Variants in SLC67A1 observed in about 807,000 individuals in gnomAD.
SLC67A1 encodes the protein solute carrier family 67 member 1.
chr11:2,900,165 C>T, the SLC67A1 span, among the ~76,000 whole-genome samples: 2 of 151,900 alleles, frequency 1.3e-5, no homozygotes, highest in Non-Finnish European at 2.9e-5. Flanking sequence ...GTCCCCAGGG[C>T]GGCCAGTGGT....
chr11:2,906,702 C>A, the SLC67A1 span, among the ~76,000 whole-genome samples: 1 of 130,444 alleles, frequency 7.7e-6, no homozygotes, highest in East Asian at 2.0e-4. Flanking sequence ...ATATCACACA[C>A]TGGGGCCTGT....
the SLC67A1 span, among the ~76,000 whole-genome samples, chr11:2,906,548 G>C: frequency 2.0e-5 from 3 of 152,180 alleles, no homozygotes. Flanking sequence ...CATAAAAAAG[G>C]ATGAGTTCAT....
chr11:2,903,370 G>A, the SLC67A1 span: 3 of 1,612,996 alleles, frequency 1.9e-6, no homozygotes, highest in African/African-American at 1.3e-5. Flanking sequence ...GGCTCCCAGG[G>A]ACCAGGGCCG....
chr11:2,909,342 T>G, the SLC67A1 span: 1 of 1,515,496 alleles, frequency 6.6e-7, no homozygotes, highest in Non-Finnish European at 8.8e-7. Flanking sequence ...GGAGCGCTCA[T>G]GCACACGCTG....
At chr11:2,903,225 C>T in the SLC67A1 span, 28 of 1,513,632 alleles carry the variant, frequency 1.8e-5, no homozygotes, top group African/African-American at 6.9e-5. Flanking sequence ...CAAGGCCAGG[C>T]GGGTGCTGCC....
the SLC67A1 span, chr11:2,903,809 C>T: frequency 5.4e-6 from 2 of 371,066 alleles, no homozygotes; most frequent in African/African-American, 4.1e-5. Context: ...CAGCCTTTGC[C>T]CTCTGGAGTC....
At chr11:2,920,510 G>A in the SLC67A1 span, 1 of 152,518 alleles carries the variant, frequency 6.6e-6, no homozygotes, top group Admixed American at 6.5e-5. Context: ...TGGCTGCAGT[G>A]GGGACCCTGC....
chr11:2,905,755 C>T, the SLC67A1 span, among the ~76,000 whole-genome samples: 2 of 152,188 alleles, frequency 1.3e-5, no homozygotes, highest in Non-Finnish European at 2.9e-5. Flanking sequence ...GAGCTCCGCC[C>T]TCAAATATGT....
chr11:2,916,760 C>A, the SLC67A1 span: 2 of 1,600,180 alleles, frequency 1.2e-6, no homozygotes, highest in East Asian at 2.2e-5. Flanking sequence ...GCCAGGTACA[C>A]CCTGCCCAGA....
At chr11:2,917,981 G>T in the SLC67A1 span, 33 of 1,609,952 alleles carry the variant, frequency 2.0e-5, no homozygotes, top group Non-Finnish European at 2.5e-5. Context: ...TGGCCTCTCC[G>T]TGCCAGGCGG....
chr11:2,907,156 GGAC>G, the SLC67A1 span, among the ~76,000 whole-genome samples: 1 of 151,838 alleles, frequency 6.6e-6, no homozygotes, highest in Non-Finnish European at 1.5e-5. This position sits in a 1 kb window ranked among gnomAD's most constrained non-coding sequence, Gnocchi z 6.7. Context: ...GGACCAAGGG[GGAC>G]AGTGGAAAGA....
At chr11:2,909,957 C>T in the SLC67A1 span, 15 of 447,080 alleles carry the variant, frequency 3.4e-5, no homozygotes, top group Non-Finnish European at 5.5e-5. Flanking sequence ...GCCAAGCTGT[C>T]CACGCACAGC....
At chr11:2,908,440 G>A in the SLC67A1 span, 2 of 738,986 alleles carry the variant, frequency 2.7e-6, no homozygotes, top group Non-Finnish European at 4.3e-6. Context: ...GACCCCCCTG[G>A]GATGACGGCA....
the SLC67A1 span, chr11:2,909,917 T>C: frequency 1.5e-5 from 8 of 526,240 alleles, no homozygotes; most frequent in Non-Finnish European, 2.0e-5. Context: ...CCAGGTGATG[T>C]CCCAGTGCTG....
At chr11:2,918,004 T>C in the SLC67A1 span, 1 of 1,613,154 alleles carries the variant, frequency 6.2e-7, no homozygotes, top group Non-Finnish European at 8.5e-7. Flanking sequence ...CCCGGGCCAG[T>C]GTGTTCGACC....
chr11:2,902,585 T>G, the SLC67A1 span: 1 of 985,254 alleles, frequency 1.0e-6, no homozygotes, highest in African/African-American at 1.7e-5. Context: ...GTTCGGTACC[T>G]CGGGGCTCAG....
the SLC67A1 span, among the ~76,000 whole-genome samples, chr11:2,911,493 C>T: frequency 6.6e-6 from 1 of 152,010 alleles, no homozygotes; most frequent in Non-Finnish European, 1.5e-5. Flanking sequence ...CCAGGGTGGC[C>T]AGGGTGAGGA....
the SLC67A1 span, among the ~76,000 whole-genome samples, chr11:2,917,251 G>A: frequency 6.6e-6 from 1 of 152,350 alleles, no homozygotes; most frequent in South Asian, 2.1e-4. Context: ...CCTGCTGAAC[G>A]CAGCCCCTTT....
At chr11:2,919,219 G>C in the SLC67A1 span, 1 of 930,788 alleles carries the variant, frequency 1.1e-6, no homozygotes, top group East Asian at 2.4e-5. Context: ...CAGACACCCT[G>C]ATTGGCCAGG....
Sources: allele counts gnomAD v4.1 joint callset (sites outside exome capture counted in the v4.1 genomes callset), GRCh38; gene constraint gnomAD v4.1.1; non-coding constraint Gnocchi (gnomAD v3.1); transcripts MANE v1.5; gene names NCBI Gene and HGNC (gene_info 2026-07-23, HGNC 2026-07-21).